Variants in RTL4 observed in about 807,000 individuals in gnomAD.
The protein encoded by RTL4 is retrotransposon Gag-like protein 4.
In RTL4, 4 loss-of-function variants were observed where a neutral mutation model predicts 5.3. That is an observed-to-expected ratio of 0.75 (90% CI 0.37 to 1.72). The LOEUF is 1.72. Among genes scored for constraint, RTL4 ranks in the 40% most tolerant of loss-of-function variants. RTL4 has a pLI of 0.04. For synonymous variants in RTL4, 98 were observed against 87.3 expected (o/e 1.12, Z -0.68); for missense variants, 260 against 227.1 (o/e 1.14, Z -0.93).
chrX:112,416,225 A>G, the RTL4 span, among the ~76,000 whole-genome samples: 1 of 111,379 alleles, frequency 9.0e-6, no homozygotes, highest in African/African-American at 3.3e-5. Context: ...CCAAGGACCC[A>G]CCCTACTCCA....
At chrX:112,102,597 A>G in the RTL4 span, among the ~76,000 whole-genome samples, 1 of 111,507 alleles carries the variant, frequency 9.0e-6, no homozygotes, top group African/African-American at 3.3e-5. Context: ...AAATTAGCCT[A>G]TCTGGGAAAA....
chrX:112,386,829 A>G, the RTL4 span, among the ~76,000 whole-genome samples: 3 of 111,589 alleles, frequency 2.7e-5, no homozygotes, highest in African/African-American at 9.8e-5. Flanking sequence ...ATGTGCAAGT[A>G]TCTTCTTCAA....
the RTL4 span, among the ~76,000 whole-genome samples, chrX:112,162,995 C>T: frequency 1.8e-5 from 2 of 111,838 alleles, no homozygotes; most frequent in African/African-American, 6.5e-5. Flanking sequence ...AAGCACCTGG[C>T]ACACAGTGTT....
the RTL4 span, among the ~76,000 whole-genome samples, chrX:112,326,460 G>A: frequency 4.5e-5 from 5 of 111,706 alleles, no homozygotes; most frequent in Non-Finnish European, 7.5e-5. Context: ...TTAAAAAAAC[G>A]GCGCACCAGG....
At chrX:112,451,986 G>T (rs954003108), upstream of RTL4, among the ~76,000 whole-genome samples, 21 of 111,571 alleles carry the variant, frequency 1.9e-4, no homozygotes, top group African/African-American at 6.8e-4. Flanking sequence ...CAGATTCCTG[G>T]GATTCATCCC....
chrX:112,243,394 G>C, the RTL4 span, among the ~76,000 whole-genome samples: 1 of 111,261 alleles, frequency 9.0e-6, no homozygotes, highest in Non-Finnish European at 1.9e-5. Flanking sequence ...GGTCTATTCA[G>C]GGATTCTACT....
the RTL4 span, among the ~76,000 whole-genome samples, chrX:112,349,001 C>T: frequency 1.8e-5 from 2 of 110,389 alleles, no homozygotes; most frequent in Non-Finnish European, 1.9e-5. Flanking sequence ...CATAATAGTT[C>T]ATACTATTAT....
the RTL4 span, among the ~76,000 whole-genome samples, chrX:112,119,747 A>C: frequency 8.9e-6 from 1 of 111,759 alleles, no homozygotes; most frequent in Non-Finnish European, 1.9e-5. Context: ...AATTTAAAAC[A>C]TCTGTTGTTT....
the RTL4 span, among the ~76,000 whole-genome samples, chrX:112,260,359 C>T: frequency 9.0e-6 from 1 of 111,612 alleles, no homozygotes; most frequent in South Asian, 3.8e-4. Flanking sequence ...AGGCCTTTTA[C>T]TCTGCGATTG....
At chrX:112,219,928 C>G in the RTL4 span, among the ~76,000 whole-genome samples, 558 of 111,858 alleles carry the variant, frequency 5.0e-3, 3 homozygotes, top group African/African-American at 0.017. Flanking sequence ...TTTCTCCACG[C>G]CTTGCTTTCT....
chrX:112,379,914 C>T, the RTL4 span, among the ~76,000 whole-genome samples: 2 of 111,179 alleles, frequency 1.8e-5, no homozygotes, highest in Non-Finnish European at 3.8e-5. Context: ...GTCCACTAAC[C>T]ATCATCATCA....
the RTL4 span, among the ~76,000 whole-genome samples, chrX:112,133,670 C>A: frequency 1.8e-5 from 2 of 111,927 alleles, no homozygotes; most frequent in African/African-American, 6.5e-5. Flanking sequence ...GGGCCTTTGG[C>A]AAACTGCTTA....
the RTL4 span, among the ~76,000 whole-genome samples, chrX:112,256,701 A>G: frequency 2.3e-3 from 260 of 112,085 alleles, no homozygotes; most frequent in African/African-American, 7.6e-3. Flanking sequence ...TGCTCCTAAT[A>G]ATATTTTATA....
At chrX:112,095,505 A>G in the RTL4 span, among the ~76,000 whole-genome samples, 3 of 111,749 alleles carry the variant, frequency 2.7e-5, no homozygotes, top group Admixed American at 2.8e-4. Flanking sequence ...CCATGGATCC[A>G]GGGAGCTGGG....
chrX:112,179,316 C>T, the RTL4 span, among the ~76,000 whole-genome samples: 13 of 110,569 alleles, frequency 1.2e-4, no homozygotes, highest in Non-Finnish European at 2.5e-4. Flanking sequence ...AAGGGCAAAA[C>T]CATTTTACGT....
the RTL4 span, among the ~76,000 whole-genome samples, chrX:112,436,143 G>A: frequency 1.8e-5 from 2 of 110,394 alleles, no homozygotes; most frequent in Non-Finnish European, 3.8e-5. Flanking sequence ...CTTGAACCTG[G>A]GTGATGGAGG....
At chrX:112,239,904 G>A in the RTL4 span, among the ~76,000 whole-genome samples, 1 of 111,469 alleles carries the variant, frequency 9.0e-6, no homozygotes, top group Non-Finnish European at 1.9e-5. Context: ...CTAAATATCC[G>A]AGGATACAAC....
At chrX:112,393,248 A>G in the RTL4 span, among the ~76,000 whole-genome samples, 4 of 99,460 alleles carry the variant, frequency 4.0e-5, no homozygotes, top group Non-Finnish European at 5.9e-5. Flanking sequence ...ATCTCGGCTC[A>G]CTGCAACCTC....
At chrX:112,218,037 T>A in the RTL4 span, among the ~76,000 whole-genome samples, 28,027 of 111,322 alleles carry the variant, frequency 0.25, 3,349 homozygotes, top group African/African-American at 0.48. Flanking sequence ...GAACAAAGTC[T>A]AAGCAGGTAT....
Sources: allele counts gnomAD v4.1 joint callset (sites outside exome capture counted in the v4.1 genomes callset), GRCh38; gene constraint gnomAD v4.1.1; transcripts MANE v1.5; gene names NCBI Gene and HGNC (gene_info 2026-07-23, HGNC 2026-07-21).